The following ARHGAP26 variants were observed in gnomAD, a reference collection of about 807,000 sequenced individuals.
The protein encoded by ARHGAP26 is rho GTPase-activating protein 26.
A neutral mutation model predicts 104.8 loss-of-function variants in ARHGAP26; 38 were observed. That is an observed-to-expected ratio of 0.36 (90% CI 0.28 to 0.48). The LOEUF is 0.48. Ranked by LOEUF, ARHGAP26 falls within the 20% of genes least tolerant of loss-of-function variation. The pLI is 0.99. For synonymous variants in ARHGAP26, 341 were observed against 340.0 expected (o/e 1.00, Z -0.03); for missense variants, 704 against 947.9 (o/e 0.74, Z 3.38).
chr5:142,980,827 GTACCCA>G (rs1773839936), intron 11 of ARHGAP26, among the ~76,000 whole-genome samples: 1 of 152,168 alleles, frequency 6.6e-6, no homozygotes, highest in South Asian at 2.1e-4. Flanking sequence ...CAAAGAGGTT[GTACCCA>G]TTTTCATACC....
chr5:143,077,314 G>A (rs1171688824), intron 17 of ARHGAP26, among the ~76,000 whole-genome samples: 1 of 152,190 alleles, frequency 6.6e-6, no homozygotes, highest in Admixed American at 6.5e-5. Flanking sequence ...CTTGGCTGAA[G>A]ACCTGGAATA....
Position 142,770,738 on chromosome 5 carries a change from C to G in ARHGAP26, c.-24C>G, listed in dbSNP as rs1182657191. The G allele has an allele frequency of 7.7e-7, 1 of 1,304,194 alleles. No individual in the cohort carries two copies. The highest frequency in any genetic ancestry group is 2.2e-5 in the South Asian group (1 of 44,814). The allele number at this position is 1,304,194 out of a possible 1,614,324, so 80.8% of individuals were successfully genotyped here. On this transcript the variant is annotated 5_prime_UTR_variant, in exon 1 of 23. Transcript: ENST00000645722. ...GCCCGGGCCCCGGCGGAGGCGCGCC[C>G]CCCGGCTGGGCGCCGCGCGCACCAT...
chr5:143,111,316 G>GTC (rs151096038), intron 17 of ARHGAP26, among the ~76,000 whole-genome samples: 14 of 150,932 alleles, frequency 9.3e-5, no homozygotes, highest in Admixed American at 2.6e-4. Context: ...CTGTCTGTCA[G>GTC]TCTCTCTCTC....
At chr5:142,875,286 A>T (rs917503890) in intron 3 of ARHGAP26, 115 bp downstream of exon 3, 2 of 1,028,276 alleles carry the variant, frequency 1.9e-6, no homozygotes, top group Non-Finnish European at 3.0e-6. Context: ...GAATGTTTTG[A>T]GCTCTTCAGC....
intron 14 of ARHGAP26, among the ~76,000 whole-genome samples, chr5:143,046,382 A>G (rs1005492164): frequency 6.6e-5 from 10 of 152,208 alleles, no homozygotes; most frequent in Non-Finnish European, 1.5e-5. Context: ...TACTCTTAAT[A>G]CATTGGAGGA....
intron 20 of ARHGAP26, among the ~76,000 whole-genome samples, chr5:143,190,515 G>A (rs1805785273): frequency 6.6e-6 from 1 of 152,028 alleles, no homozygotes; most frequent in African/African-American, 2.4e-5. Context: ...AGAATTTTAT[G>A]ATCAGCAAAA....
chr5:142,782,582 AG>A (rs1184500494), intron 1 of ARHGAP26, among the ~76,000 whole-genome samples: 1 of 152,194 alleles, frequency 6.6e-6, no homozygotes, highest in Non-Finnish European at 1.5e-5. Flanking sequence ...CTGAAACCAT[AG>A]GGAGCATCCA....
At chr5:142,936,145 A>ACC (rs70991787) in intron 11 of ARHGAP26, among the ~76,000 whole-genome samples, 1 of 149,348 alleles carries the variant, frequency 6.7e-6, no homozygotes, top group Non-Finnish European at 1.5e-5. Context: ...ACACACACAC[A>ACC]CCCCTTCTAT....
intron 1 of ARHGAP26, among the ~76,000 whole-genome samples, chr5:142,800,999 G>C (rs1245673526): frequency 6.6e-6 from 1 of 152,182 alleles, no homozygotes; most frequent in Non-Finnish European, 1.5e-5. Context: ...GGGGCTCTGG[G>C]CAAGAGTGTG....
Position 142,821,300 on chromosome 5 carries a change from GTTTTTT to G in ARHGAP26, c.154+50407_154+50412del, listed in dbSNP as rs71576157. Reference sequence around the variant, plus strand: ...TTGGCAGGCTTCCTAAGGTAGAGTGGTTTTTTTTTTTTTTTTTTTTTTTTTTTAAAC... The same window carrying G: ...TTGGCAGGCTTCCTAAGGTAGAGTGGTTTTTTTTTTTTTTTTTTTTTAAAC... On this transcript the variant is annotated intron_variant, in intron 1 of 22. Coordinates refer to ENST00000645722, the MANE Select transcript of ARHGAP26 (RefSeq NM_001135608.3). 8.9e-3 allele frequency among the ~76,000 whole-genome samples: 950 copies of G among 106,352 alleles called. 11 individuals are homozygous for G. Among genetic ancestry groups the G allele is most frequent in the African/African-American group, 0.035 (905 of 26,060 alleles). 69.8% of individuals were successfully genotyped at this position (106,352 alleles called of 152,430 possible). A position where few individuals can be genotyped will look rare whatever the true frequency, so the allele number is the denominator to read the frequency against.
At chr5:143,206,769 A>C (rs143003165) in intron 20 of ARHGAP26, among the ~76,000 whole-genome samples, 1 of 152,324 alleles carries the variant, frequency 6.6e-6, no homozygotes, top group East Asian at 1.9e-4. Context: ...CAGAAGAAAA[A>C]AAACATGGTC....
At chr5:142,918,374 T>A (rs1251683998) in intron 10 of ARHGAP26, among the ~76,000 whole-genome samples, 1 of 152,204 alleles carries the variant, frequency 6.6e-6, no homozygotes, top group Non-Finnish European at 1.5e-5. Context: ...ATCAATCTCC[T>A]GACCTCAGGT....
intron 2 of ARHGAP26, 51 bp from the exon 3 acceptor site, chr5:142,875,059 C>T (rs900128198): frequency 3.9e-6 from 6 of 1,523,654 alleles, no homozygotes; most frequent in Non-Finnish European, 4.5e-6. Context: ...GGAAAGGCTC[C>T]CCAAGGCCCA....
At chr5:143,023,941 C>A (rs1170956388) in intron 12 of ARHGAP26, among the ~76,000 whole-genome samples, 2 of 152,216 alleles carry the variant, frequency 1.3e-5, no homozygotes, top group African/African-American at 4.8e-5. Context: ...GTGGCCACCA[C>A]TTTCATCTTC....
In ARHGAP26 at chr5:142,896,482, C is replaced by T. The variant is rs113357672; in HGVS notation, c.597+2134C>T. Among the ~76,000 whole-genome samples, 679 of 152,276 alleles carry T rather than the reference C, an allele frequency of 4.5e-3. 11 individuals are homozygous for T. Among genetic ancestry groups the T allele is most frequent in the African/African-American group, 0.015 (633 of 41,556 alleles). ...CTCATACAACAATAGATGTTTACTTCTCACACATCTGTGAGGTTCAGCCAG... is the reference window on the plus strand; with the variant it reads ...CTCATACAACAATAGATGTTTACTTTTCACACATCTGTGAGGTTCAGCCAG... On this transcript the variant is annotated intron_variant, in intron 6 of 22. Transcript: ENST00000645722.
chr5:143,216,238 G>A (rs1485763342), intron 22 of ARHGAP26: 5 of 471,212 alleles, frequency 1.1e-5, no homozygotes, highest in South Asian at 3.1e-5. Flanking sequence ...CCGAAGCTCC[G>A]GGCACCTCCA....
chr5:143,189,041 A>C (rs1250792793), intron 20 of ARHGAP26, among the ~76,000 whole-genome samples: 1 of 152,210 alleles, frequency 6.6e-6, no homozygotes, highest in African/African-American at 2.4e-5. Context: ...TGTTTCCCTA[A>C]ACAGAATGAC....
chr5:142,889,082 G>C (rs1206704291), intron 5 of ARHGAP26, among the ~76,000 whole-genome samples: 3 of 152,148 alleles, frequency 2.0e-5, no homozygotes, highest in Admixed American at 1.3e-4. Flanking sequence ...ATAACATTCC[G>C]CTTAGGATTT....
intron 17 of ARHGAP26, among the ~76,000 whole-genome samples, chr5:143,114,231 T>C (rs757806139): frequency 2.6e-5 from 4 of 152,190 alleles, no homozygotes; most frequent in Non-Finnish European, 4.4e-5. Context: ...CACAGAACGA[T>C]GTATCTGACA....
Sources: allele counts gnomAD v4.1 joint callset (sites outside exome capture counted in the v4.1 genomes callset), GRCh38; gene constraint gnomAD v4.1.1; transcripts MANE v1.5; gene names NCBI Gene and HGNC (gene_info 2026-07-23, HGNC 2026-07-21).